The following IRAG2 variants were observed in gnomAD, a reference collection of about 807,000 sequenced individuals.
The protein encoded by IRAG2 is inositol 1,4,5-triphosphate receptor associated 2.
Under a neutral mutation model 69.9 loss-of-function variants are expected in IRAG2, and 45 were observed. That is an observed-to-expected ratio of 0.64 (90% CI 0.51 to 0.83). The LOEUF (loss-of-function observed/expected upper bound fraction) is 0.83, where lower values mean the gene tolerates loss of function less well. IRAG2 is among the 40% of genes least tolerant of loss of function. IRAG2 has a pLI of 0.00. For missense variants in IRAG2, 520 were observed against 587.0 expected (o/e 0.89, Z 1.18); for synonymous variants, 193 against 202.4 (o/e 0.95, Z 0.40).
intron 14 of IRAG2, among the ~76,000 whole-genome samples, chr12:25,091,831 G>A (rs1279634196): frequency 1.3e-5 from 2 of 152,006 alleles, no homozygotes; most frequent in African/African-American, 4.8e-5. Context: ...ATCTTATTGT[G>A]GTTTGGTTTG....
chr12:25,068,805 C>G (rs1382393597), intron 5 of IRAG2, among the ~76,000 whole-genome samples: 2 of 152,204 alleles, frequency 1.3e-5, no homozygotes, highest in African/African-American at 4.8e-5. Context: ...GCACCTCTGT[C>G]TACAAGGATT....
chr12:25,030,362 C>G (rs2139846581), intron 10 of IRAG2: 1 of 1,221,106 alleles, frequency 8.2e-7, no homozygotes, highest in Non-Finnish European at 1.0e-6. Context: ...CCACAAAGTC[C>G]CATGGAATTG....
At chr12:25,083,552 C>T in intron 10 of IRAG2, 59 bp downstream of exon 10, 1 of 1,019,120 alleles carries the variant, frequency 9.8e-7, no homozygotes, top group Non-Finnish European at 1.5e-6. Flanking sequence ...GTAGAACTAT[C>T]CCTCTAAAAA....
intron 16 of IRAG2, among the ~76,000 whole-genome samples, chr12:25,040,150 A>G (rs1196799480): frequency 6.6e-6 from 1 of 152,228 alleles, no homozygotes; most frequent in Non-Finnish European, 1.5e-5. Flanking sequence ...TTTGGACACA[A>G]TTTAAAACTG....
intron 7 of IRAG2, chr12:25,020,927 A>G (rs769586824): frequency 1.5e-5 from 17 of 1,168,054 alleles, no homozygotes; most frequent in Non-Finnish European, 1.7e-5. Flanking sequence ...CTATTATAGT[A>G]CTTTGAATTT....
At chr12:25,069,894 A>G (rs2054767) in intron 6 of IRAG2, among the ~76,000 whole-genome samples, 52,886 of 151,974 alleles carry the variant, frequency 0.35, 9,629 homozygotes, top group East Asian at 0.66. Flanking sequence ...TAATTGGCAA[A>G]GTTAGGTGCT....
intron 1 of IRAG2, among the ~76,000 whole-genome samples, chr12:25,055,709 G>A (rs1216099843): frequency 6.6e-6 from 1 of 152,116 alleles, no homozygotes; most frequent in African/African-American, 2.4e-5. Context: ...TGCAGAGTTT[G>A]GTTTTCTGTC....
Position 25,083,506 on chromosome 12 carries a change from G to A in IRAG2, c.315+13G>A, listed in dbSNP as rs199712343. 149 of 1,531,130 alleles carry A rather than the reference G, an allele frequency of 9.7e-5. No homozygotes were observed. The African/African-American group carries it at 1.6e-3, about 16-fold the overall frequency. The allele number at this position is 1,531,130 out of a possible 1,614,324, so 94.8% of individuals were successfully genotyped here. The stretch of plus-strand genomic sequence containing the variant: ...CATATTAAATCTGGTAAGGAAATAC[G>A]TATGTTCACAACAAAGGTGGTGGTA... On this transcript the variant is annotated intron_variant, in intron 10 of 21. Coordinates refer to ENST00000556887, the MANE Select transcript of IRAG2 (RefSeq NM_001366544.2).
At position 25,061,668 on chromosome 12, in the gene IRAG2, A is replaced by G. The variant is rs1945646675; in HGVS notation, c.-385+15A>G. Reference sequence around the variant, plus strand: ...TGCTGTTTCAGGTAAAATATCTCTGATATGTGTTCAGTTACTGTGGAGGAA... The same window carrying G: ...TGCTGTTTCAGGTAAAATATCTCTGGTATGTGTTCAGTTACTGTGGAGGAA... On this transcript the variant is annotated intron_variant, in intron 2 of 21. Coordinates refer to ENST00000556887, the MANE Select transcript of IRAG2 (RefSeq NM_001366544.2). The G allele has an allele frequency of 5.0e-6, 2 of 398,586 alleles. No homozygotes were observed. Among genetic ancestry groups the G allele is most frequent in the East Asian group, 7.1e-5 (2 of 28,058 alleles). The allele number at this position is 398,586 out of a possible 1,614,324, so 24.7% of individuals were successfully genotyped here. A position where few individuals can be genotyped will look rare whatever the true frequency, so the allele number is the denominator to read the frequency against.
intron 9 of IRAG2, among the ~76,000 whole-genome samples, chr12:25,029,343 T>C (rs368135545): frequency 3.9e-5 from 6 of 152,238 alleles, no homozygotes; most frequent in Admixed American, 2.0e-4. Flanking sequence ...CTGTCTTTTC[T>C]ACTGAAAAAT....
intron 9 of IRAG2, among the ~76,000 whole-genome samples, chr12:25,027,399 T>C (rs928274235): frequency 4.4e-5 from 6 of 136,570 alleles, no homozygotes; most frequent in Non-Finnish European, 4.6e-5. Flanking sequence ...TTTTTTTTTC[T>C]TTTTTTTTTT....
At chr12:25,048,355 G>C (rs1944814232), upstream of IRAG2, among the ~76,000 whole-genome samples, 1 of 151,988 alleles carries the variant, frequency 6.6e-6, no homozygotes, top group African/African-American at 2.4e-5. Flanking sequence ...CAATGGCGGG[G>C]TCTCGATCTC....
intron 6 of IRAG2, among the ~76,000 whole-genome samples, chr12:25,074,287 CTCAATGCCTT>C (rs1327394945): frequency 3.9e-5 from 6 of 152,208 alleles, no homozygotes; most frequent in African/African-American, 1.4e-4. Flanking sequence ...GACACTGCCT[CTCAATGCCTT>C]GTTTCCCCAC....
chr12:25,069,379 C>T lies in IRAG2; in HGVS notation c.-29C>T. ...CCAGGCCCCACAAGTGGCCCCAGCC[C>T]AGGAACGAATCTCTCAGGCTGCATC... On this transcript the variant is annotated 5_prime_UTR_variant, in exon 6 of 22. Transcript: ENST00000556887. 1 of 1,612,298 alleles carries T rather than the reference C, an allele frequency of 6.2e-7. No individual in the cohort carries two copies. Among genetic ancestry groups the T allele is most frequent in the Non-Finnish European group, 8.5e-7 (1 of 1,178,512 alleles).
intron 14 of IRAG2, among the ~76,000 whole-genome samples, chr12:25,092,273 G>A (rs923406561): frequency 7.2e-5 from 11 of 151,974 alleles, no homozygotes; most frequent in African/African-American, 2.4e-4. Context: ...GGTGGTGGGC[G>A]CCTGTAGTCC....
intron 14 of IRAG2, chr12:25,093,881 A>ACTCAATGTG (rs1948239178): frequency 6.5e-6 from 1 of 153,024 alleles, no homozygotes; most frequent in Non-Finnish European, 1.5e-5. Context: ...GGGAGGCTGC[A>ACTCAATGTG]CTCAATGTGG....
intron 4 of IRAG2, among the ~76,000 whole-genome samples, chr12:25,064,846 T>C (rs1945864774): frequency 6.6e-6 from 1 of 152,148 alleles, no homozygotes. Flanking sequence ...TTCCTGCACT[T>C]TGGGAGGCCG....
intron 10 of IRAG2, among the ~76,000 whole-genome samples, chr12:25,083,733 T>C (rs71450466): frequency 6.6e-6 from 1 of 152,252 alleles, no homozygotes; most frequent in Non-Finnish European, 1.5e-5. Context: ...TAATTTATTG[T>C]TCATTCATTC....
upstream of IRAG2, chr12:25,052,630 C>G (rs188628390): frequency 4.5e-5 from 18 of 397,426 alleles, no homozygotes; most frequent in East Asian, 6.4e-4. Flanking sequence ...CTCAGGCATA[C>G]CAAGCCCATG....
Sources: allele counts gnomAD v4.1 joint callset (sites outside exome capture counted in the v4.1 genomes callset), GRCh38; gene constraint gnomAD v4.1.1; transcripts MANE v1.5; gene names NCBI Gene and HGNC (gene_info 2026-07-23, HGNC 2026-07-21).